SUSD5: variants seen among roughly 807,000 people sequenced by gnomAD.
SUSD5 encodes sushi domain-containing protein 5.
A neutral mutation model predicts 29.5 loss-of-function variants in SUSD5; 33 were observed. The observed-to-expected ratio is 1.12, with a 90% CI of 0.85 to 1.49. SUSD5 has a LOEUF of 1.49. Among genes scored for constraint, SUSD5 ranks in the 40% most tolerant of loss-of-function variants. The pLI is 0.00. For missense variants in SUSD5, 776 were observed against 800.6 expected, an observed-to-expected ratio of 0.97 and a Z score of 0.37; for synonymous variants, 308 against 325.3, an observed-to-expected ratio of 0.95 and a Z score of 0.57.
At chr3:33,171,781 G>C (rs1278734666) in intron 4 of SUSD5, among the ~76,000 whole-genome samples, 1 of 152,146 alleles carries the variant, frequency 6.6e-6, no homozygotes, top group African/African-American at 2.4e-5. Flanking sequence ...ATACATGTTA[G>C]CTTTCATTTA....
Position 33,204,316 on chromosome 3 carries a change from T to C in SUSD5, c.409+3492A>G, listed in dbSNP as rs1025631855. Reference sequence around the variant, plus strand: ...CCATGCCCAGCCTGAGCTTTTTTGTTTGTTTGTTTGTTTGTTTGTTTTTTG... The same window carrying C: ...CCATGCCCAGCCTGAGCTTTTTTGTCTGTTTGTTTGTTTGTTTGTTTTTTG... On this transcript the variant is annotated intron_variant, in intron 3 of 4. Transcript: ENST00000309558. The surrounding 1 kb of genome is among the most constrained non-coding windows in gnomAD (Gnocchi z 4.5). 2.0e-5 allele frequency among the ~76,000 whole-genome samples: 3 copies of C among 151,806 alleles called. No homozygotes were observed. The highest frequency in any genetic ancestry group is 7.3e-5 in the African/African-American group (3 of 41,314).
chr3:33,182,076 G>A (rs1327902910), intron 3 of SUSD5, among the ~76,000 whole-genome samples: 1 of 152,060 alleles, frequency 6.6e-6, no homozygotes, highest in Admixed American at 6.5e-5. Flanking sequence ...TGTATTCACT[G>A]CTATAAGTTT....
At chr3:33,174,148 A>G (rs1238691839) in intron 4 of SUSD5, among the ~76,000 whole-genome samples, 2 of 152,192 alleles carry the variant, frequency 1.3e-5, no homozygotes, top group African/African-American at 2.4e-5. Flanking sequence ...GGCATTCAGA[A>G]GGCTCCAGGC....
chr3:33,153,551 G>T lies in SUSD5; in HGVS notation c.1081C>A (p.Pro361Thr). The change falls in exon 5 of 5, where the codon CCA (proline) becomes ACA (threonine). Residue 361 changes from proline to threonine, a missense_variant. By Grantham distance (38) the Pro-to-Thr change is conservative. Coordinates refer to ENST00000309558, the MANE Select transcript of SUSD5 (RefSeq NM_015551.2). ...VGKNDSKAGDPVVSSSDESWL... is the reference protein window; with the variant it reads ...VGKNDSKAGDTVVSSSDESWL... Reference sequence around the variant, plus strand: ...GACTCATCACTGCTGCTCACCACTGGATCTCCTGCCTTGCTGTCATTCTTG... The same window carrying T: ...GACTCATCACTGCTGCTCACCACTGTATCTCCTGCCTTGCTGTCATTCTTG... The T allele has an allele frequency of 1.2e-6, 2 of 1,613,940 alleles. No individual in the cohort carries two copies. The highest frequency in any genetic ancestry group is 1.6e-4 in the Middle Eastern group (1 of 6,062).
At chr3:33,207,541 T>C (rs1157070820) in intron 3 of SUSD5, among the ~76,000 whole-genome samples, 1 of 152,192 alleles carries the variant, frequency 6.6e-6, no homozygotes, top group East Asian at 1.9e-4. Context: ...ACATACACTA[T>C]CTCCAGGGGT....
intron 1 of SUSD5, 38 bp from the exon 2 acceptor site, chr3:33,214,143 G>A: frequency 6.5e-7 from 1 of 1,542,952 alleles, no homozygotes; most frequent in Non-Finnish European, 8.8e-7. Context: ...TGGATTTCAG[G>A]ATCCATGGGA....
chr3:33,214,184 C>T (rs751387426), intron 1 of SUSD5, 79 bp from the exon 2 acceptor site: 202 of 1,414,642 alleles, frequency 1.4e-4, no homozygotes, highest in Admixed American at 6.2e-4. Context: ...CTCTGGCAGA[C>T]GCCAGTTAGA....
chr3:33,189,085 A>G (rs1476624946), intron 3 of SUSD5, among the ~76,000 whole-genome samples: 1 of 152,230 alleles, frequency 6.6e-6, no homozygotes, highest in East Asian at 1.9e-4. Flanking sequence ...ATGCAAATAA[A>G]CCCTGCGTCA....
intron 4 of SUSD5, among the ~76,000 whole-genome samples, chr3:33,155,874 G>A (rs567670986): frequency 2.6e-5 from 4 of 152,176 alleles, no homozygotes; most frequent in African/African-American, 9.7e-5. Flanking sequence ...CACTTGGGTA[G>A]GAGAGAAGGG....
chr3:33,174,989 G>GT lies in SUSD5; in HGVS notation c.494dup (p.Tyr165Ter). 1.2e-6 allele frequency: 2 copies of GT among 1,614,020 alleles called. No individual in the cohort carries two copies. Among genetic ancestry groups the GT allele is most frequent in the Non-Finnish European group, 1.7e-6 (2 of 1,179,894 alleles). ...CCATGATGTGGCCTGGGGCACACAC[G>GT]TACAGCAGTTCATCCCCCATTTCCA... ...TGLEMGDELL[Y>*]VCAPGHIMGH... The change falls in exon 4 of 5, where the codon TAC (tyrosine) becomes TAAC (stop). Residue 165 changes from tyrosine (Y) to a stop codon, truncating the protein, a stop_gained and frameshift_variant. Transcript: ENST00000309558. LOFTEE classifies it high-confidence loss of function.
At chr3:33,194,389 G>A (rs572741164) in intron 3 of SUSD5, among the ~76,000 whole-genome samples, 3 of 152,294 alleles carry the variant, frequency 2.0e-5, no homozygotes, top group Admixed American at 2.0e-4. Flanking sequence ...TATCTGAGCA[G>A]CAGGCAAGAG....
chr3:33,186,991 G>A (rs2031792159), intron 3 of SUSD5, among the ~76,000 whole-genome samples: 1 of 152,158 alleles, frequency 6.6e-6, no homozygotes. Flanking sequence ...TCATGTAGGT[G>A]AAGAATGAAC....
At chr3:33,157,584 A>T (rs1047888009) in intron 4 of SUSD5, among the ~76,000 whole-genome samples, 1 of 152,208 alleles carries the variant, frequency 6.6e-6, no homozygotes, top group African/African-American at 2.4e-5. Flanking sequence ...CCCTGCATCA[A>T]GTCCTTTTGC....
At chr3:33,207,781 C>T in intron 3 of SUSD5, 27 bp downstream of exon 3, 1 of 1,513,450 alleles carries the variant, frequency 6.6e-7, no homozygotes. Context: ...CACCCTCCAG[C>T]ACCTTTAAGA....
At chr3:33,206,198 A>G (rs1417288245) in intron 3 of SUSD5, among the ~76,000 whole-genome samples, 1 of 152,040 alleles carries the variant, frequency 6.6e-6, no homozygotes, top group Non-Finnish European at 1.5e-5. Flanking sequence ...ATATGGTGAA[A>G]CCACGTCTCT....
chr3:33,164,940 AT>A (rs2031273525), intron 4 of SUSD5, among the ~76,000 whole-genome samples: 2 of 150,560 alleles, frequency 1.3e-5, no homozygotes, highest in African/African-American at 4.9e-5. Flanking sequence ...TTTGGGCATT[AT>A]CTTGTTGGGT....
intron 3 of SUSD5, among the ~76,000 whole-genome samples, chr3:33,182,747 T>A (rs1439138917): frequency 1.3e-5 from 2 of 152,174 alleles, no homozygotes; most frequent in Non-Finnish European, 2.9e-5. Context: ...ACTCCCACTT[T>A]ATTTTGATTA....
At chr3:33,183,074 C>A (rs932407937) in intron 3 of SUSD5, among the ~76,000 whole-genome samples, 12 of 152,230 alleles carry the variant, frequency 7.9e-5, no homozygotes, top group African/African-American at 2.9e-4. Flanking sequence ...GGATTACAGG[C>A]GTGAGCCACC....
chr3:33,161,813 A>G (rs7349481), intron 4 of SUSD5, among the ~76,000 whole-genome samples: 52 of 151,696 alleles, frequency 3.4e-4, no homozygotes, highest in African/African-American at 1.2e-3. Flanking sequence ...TATGTACTTA[A>G]TAATATAGCC....
Sources: gnomAD v4.1 joint callset for allele counts (sites outside exome capture counted in the v4.1 genomes callset) on GRCh38, gnomAD v4.1.1 for gene constraint, Gnocchi (gnomAD v3.1) non-coding constraint, MANE v1.5 for transcripts, NCBI Gene and HGNC (gene_info 2026-07-23, HGNC 2026-07-21) for gene names.